IGF2R: variants seen among roughly 807,000 people sequenced by gnomAD.
The protein encoded by IGF2R is insulin like growth factor 2 receptor, also known as cation-independent mannose-6-phosphate receptor.
A neutral mutation model predicts 270.6 loss-of-function variants in IGF2R; 91 were observed. That is an observed-to-expected ratio of 0.34 (90% CI 0.28 to 0.40). IGF2R has a LOEUF of 0.40. IGF2R is among the 10% of genes least tolerant of loss of function. The probability of loss-of-function intolerance (pLI) is 1.00; values close to 1 mark genes in which losing one functional copy is unlikely to be tolerated. For missense variants in IGF2R, 2,805 were observed against 3,188.3 expected, an observed-to-expected ratio of 0.88 and a Z score of 2.90; for synonymous variants, 1,316 against 1,258.9, an observed-to-expected ratio of 1.05 and a Z score of -0.96.
rs780198115 is a variant in IGF2R at position 160,047,864 on chromosome 6, G to A, written c.2302G>A (p.Val768Ile). The A allele has an allele frequency of 1.4e-5, 22 of 1,613,920 alleles. No homozygotes were observed. Among genetic ancestry groups the A allele is most frequent in the South Asian group, 5.5e-5 (5 of 91,086 alleles). The change falls in exon 17 of 48, where the codon GTA (valine) becomes ATA (isoleucine). Residue 768 changes from valine (V) to isoleucine (I), a missense_variant. This residue lies in a region of IGF2R where 954 missense variants were observed against 981.1 expected (regional missense o/e 0.97). Coordinates refer to ENST00000356956, the MANE Select transcript of IGF2R (RefSeq NM_000876.4). The stretch of plus-strand genomic sequence containing the variant: ...CTGCCCGGAGGAGCCCCTGGAATGC[G>A]TAGTGACCGACCCCTCCACGCTGGA... ...YACPEEPLEC[V>I]VTDPSTLEQY...
In IGF2R at chr6:160,080,253, C is replaced by G. The variant is rs375436902; in HGVS notation, c.5811C>G (p.His1937Gln). Residue 1937 changes from histidine to glutamine, a missense_variant, in exon 39 of 48, where the codon CAC becomes CAG. Physicochemically the swap from His to Gln is conservative, Grantham distance 24 (BLOSUM62 0). This residue lies in a region of IGF2R where 1,851 missense variants were observed against 2,207.2 expected (regional missense o/e 0.84). Transcript: ENST00000356956. ...CSTTADYDRD[H>Q]EWGFCRHSNS... ...CAACTGCGGACTACGACAGAGACCA[C>G]GAGTGGGGCTTCTGCAGACACTGTG... is the stretch of plus-strand genomic sequence containing the variant. 5 of 1,613,912 alleles carry G rather than the reference C, an allele frequency of 3.1e-6. No individual in the cohort carries two copies. The highest frequency in any genetic ancestry group is 4.2e-6 in the Non-Finnish European group (5 of 1,179,992).
At chr6:160,033,616 A>G (rs548583449) in intron 9 of IGF2R, among the ~76,000 whole-genome samples, 11 of 152,388 alleles carry the variant, frequency 7.2e-5, no homozygotes, top group Admixed American at 3.9e-4. Flanking sequence ...CTTTAGAGTA[A>G]GAATGCTTCT....
intron 10 of IGF2R, among the ~76,000 whole-genome samples, chr6:160,039,828 G>A (rs753630659): frequency 6.6e-6 from 1 of 152,078 alleles, no homozygotes; most frequent in African/African-American, 2.4e-5. Context: ...ATGGGGACGT[G>A]GCCTGTGAAG....
intron 39 of IGF2R, among the ~76,000 whole-genome samples, chr6:160,081,329 C>T (rs189842145): frequency 1.2e-3 from 189 of 151,976 alleles, no homozygotes; most frequent in African/African-American, 4.3e-3. Flanking sequence ...GTGATGCCCC[C>T]GAGCCGCAAA....
Position 160,060,583 on chromosome 6 carries a change from A to G in IGF2R, c.3128A>G (p.Asn1043Ser), listed in dbSNP as rs201671465. The G allele has an allele frequency of 6.0e-5, 97 of 1,614,152 alleles. No homozygotes were observed. The highest frequency in any genetic ancestry group is 1.6e-4 in the Middle Eastern group (1 of 6,084). Residue 1043 changes from asparagine (N) to serine (S), a missense_variant, in exon 23 of 48, where the codon AAT becomes AGT. Asn to Ser is a conservative substitution (Grantham distance 46). Transcript: ENST00000356956. ...GCTTTTATCGTCCGCTTTGTTTGCA[A>G]TGATGATGTTTACTCAGGGCCCCTC... ...ADAFIVRFVC[N>S]DDVYSGPLKF...
At chr6:160,036,975 A>G (rs999749300) in intron 10 of IGF2R, among the ~76,000 whole-genome samples, 5 of 152,098 alleles carry the variant, frequency 3.3e-5, no homozygotes, top group African/African-American at 1.2e-4. Flanking sequence ...TTTCCTTTTC[A>G]TTATAAAAAT....
intron 1 of IGF2R, among the ~76,000 whole-genome samples, chr6:159,986,586 A>G (rs1450764562): frequency 6.6e-6 from 1 of 152,116 alleles, no homozygotes; most frequent in African/African-American, 2.4e-5. Flanking sequence ...TTTCTTTCAG[A>G]AAATGTATTC....
At chr6:160,052,836 G>A (rs905177907) in intron 19 of IGF2R, among the ~76,000 whole-genome samples, 3 of 152,176 alleles carry the variant, frequency 2.0e-5, no homozygotes, top group Middle Eastern at 3.2e-3. Context: ...ATGGGGAAAG[G>A]ATTCCCTATT....
intron 4 of IGF2R, among the ~76,000 whole-genome samples, chr6:160,014,035 C>T (rs1279396046): frequency 6.6e-6 from 1 of 152,180 alleles, no homozygotes; most frequent in Non-Finnish European, 1.5e-5. Flanking sequence ...TCATTTTGCT[C>T]TGTCACATTT....
chr6:160,025,830 G>A (rs1369069452), intron 5 of IGF2R, among the ~76,000 whole-genome samples: 1 of 152,150 alleles, frequency 6.6e-6, no homozygotes, highest in Non-Finnish European at 1.5e-5. Context: ...TTGAATTCTG[G>A]AATAATACGC....
chr6:159,971,707 G>T (rs557977281), intron 1 of IGF2R, among the ~76,000 whole-genome samples: 1 of 152,322 alleles, frequency 6.6e-6, no homozygotes, highest in East Asian at 1.9e-4. Flanking sequence ...AAGTGCAGTG[G>T]TGCAGTCATA....
intron 44 of IGF2R, chr6:160,093,984 A>G: frequency 1.5e-6 from 1 of 669,776 alleles, no homozygotes; most frequent in Admixed American, 1.8e-5. Context: ...TGAGCATCTG[A>G]TTTCTTCACT....
intron 4 of IGF2R, among the ~76,000 whole-genome samples, chr6:160,019,439 G>A (rs375698886): frequency 6.6e-6 from 1 of 152,142 alleles, no homozygotes; most frequent in South Asian, 2.1e-4. Flanking sequence ...CCAAAAATCA[G>A]AGGAGGGAAT....
chr6:160,011,433 A>G (rs1192115221), intron 4 of IGF2R, among the ~76,000 whole-genome samples: 1 of 151,916 alleles, frequency 6.6e-6, no homozygotes, highest in East Asian at 1.9e-4. Flanking sequence ...ATGTATATAT[A>G]TCTATATACA....
intron 9 of IGF2R, among the ~76,000 whole-genome samples, chr6:160,034,034 A>C (rs968917793): frequency 6.6e-6 from 1 of 152,222 alleles, no homozygotes; most frequent in African/African-American, 2.4e-5. Context: ...GCTTCTTTCA[A>C]ATTGTTCAGG....
intron 3 of IGF2R, 91 bp downstream of exon 3, chr6:160,009,225 C>A: frequency 8.8e-7 from 1 of 1,134,002 alleles, no homozygotes; most frequent in South Asian, 1.8e-5. Flanking sequence ...CAGGAAGAAT[C>A]AGTGAGCAAA....
At chr6:160,045,003 G>T (rs753469301) in intron 13 of IGF2R, among the ~76,000 whole-genome samples, 32 of 152,162 alleles carry the variant, frequency 2.1e-4, no homozygotes, top group Non-Finnish European at 4.0e-4. Context: ...AACATTGCCC[G>T]TGATCTCACC....
chr6:160,084,587 C>T lies in IGF2R; in HGVS notation c.6068+403C>T, dbSNP rs1297734932. Among the ~76,000 whole-genome samples, 1 of 152,128 alleles carries T rather than the reference C, an allele frequency of 6.6e-6. No homozygotes were observed. The highest frequency in any genetic ancestry group is 1.5e-5 in the Non-Finnish European group (1 of 68,016). On this transcript the variant is annotated intron_variant, in intron 40 of 47. Coordinates refer to ENST00000356956, the MANE Select transcript of IGF2R (RefSeq NM_000876.4). This position sits in a 1 kb window ranked among gnomAD's most constrained non-coding sequence, Gnocchi z 4.6. ...GGTCCTGACCACTCTGCGTGGGGAG[C>T]GCCCGCTTGGCCAGGTGCTCCTGCA...
At chr6:159,990,642 T>TC (rs1217526332) in intron 1 of IGF2R, among the ~76,000 whole-genome samples, 1 of 151,736 alleles carries the variant, frequency 6.6e-6, no homozygotes, top group African/African-American at 2.4e-5. Flanking sequence ...TTTTTTTTTT[T>TC]CTTTGGAGAC....
Sources: allele counts gnomAD v4.1 joint callset (sites outside exome capture counted in the v4.1 genomes callset), GRCh38; gene constraint gnomAD v4.1.1; regional missense constraint gnomAD v4.1.1; non-coding constraint Gnocchi (gnomAD v3.1); transcripts MANE v1.5; gene names NCBI Gene and HGNC (gene_info 2026-07-23, HGNC 2026-07-21).